The following ALDOA variants were observed in gnomAD, a reference collection of about 807,000 sequenced individuals.
ALDOA encodes the protein fructose-bisphosphate aldolase A.
Under a neutral mutation model 43.9 loss-of-function variants are expected in ALDOA, and 26 were observed. The observed-to-expected ratio is 0.59, with a 90% CI of 0.43 to 0.82. The LOEUF (loss-of-function observed/expected upper bound fraction) is 0.82. Among genes scored for constraint, ALDOA ranks in the 40% least tolerant of loss-of-function variants. The pLI is 0.00. For missense variants in ALDOA, 498 were observed against 549.5 expected (o/e 0.91, Z 0.94); for synonymous variants, 258 against 222.6 (o/e 1.16, Z -1.42).
Position 30,067,277 on chromosome 16 carries a change from T to C in ALDOA, c.185T>C (p.Leu62Pro). The change falls in exon 3 of 10, where the codon CTG becomes CCG. Residue 62 changes from leucine to proline, a missense_variant. Leu to Pro is a moderately conservative substitution (Grantham distance 98, BLOSUM62 -3). Transcript: ENST00000642816. ...TSTMPYQYPA[L>P]TPEQKKELSD... The stretch of plus-strand genomic sequence containing the variant: ...ACCATGCCCTACCAATATCCAGCAC[T>C]GACCCCGGAGCAGAAGAAGGAGCTG... 1 of 1,612,502 alleles carries C rather than the reference T, an allele frequency of 6.2e-7. No individual in the cohort carries two copies. Among genetic ancestry groups the C allele is most frequent in the Middle Eastern group, 2.1e-4 (1 of 4,702 alleles).
Position 30,070,113 on chromosome 16 carries a change from T to C in ALDOA, c.1162-4T>C, listed in dbSNP as rs2151019768. 1 of 1,614,000 alleles carries C rather than the reference T, an allele frequency of 6.2e-7. No homozygotes were observed. The highest frequency in any genetic ancestry group is 1.1e-5 in the South Asian group (1 of 91,074). On this transcript the variant is annotated splice_polypyrimidine_tract_variant and splice_region_variant and intron_variant, in intron 9 of 9. Transcript: ENST00000642816. ...CTTCTCACTCCACCCCTCTCCCTGC[T>C]TAGGCCAACAGCCTTGCCTGTCAAG...
chr16:30,069,017 A>G (rs2072221299), intron 6 of ALDOA, 39 bp downstream of exon 6: 1 of 1,613,568 alleles, frequency 6.2e-7, no homozygotes. Flanking sequence ...CTCCTACCTC[A>G]TTTGGTTCCA....
At position 30,068,958 on chromosome 16, in the gene ALDOA, T is replaced by C; in HGVS notation, c.682T>C (p.Tyr228His). The change falls in exon 6 of 10, where the codon TAT becomes CAT. Residue 228 changes from tyrosine to histidine, a missense_variant. Tyr to His is a moderately conservative substitution (Grantham distance 83). Coordinates refer to ENST00000642816, the MANE Select transcript of ALDOA (RefSeq NM_001243177.4). Reference sequence around the variant, plus strand: ...GGAAAATGCCAATGTTCTGGCCCGTTATGCCAGTATCTGCCAGCAGGTGGG... The same window carrying C: ...GGAAAATGCCAATGTTCTGGCCCGTCATGCCAGTATCTGCCAGCAGGTGGG... ...IMENANVLAR[Y>H]ASICQQNGIV... 1.2e-6 allele frequency: 2 copies of C among 1,614,260 alleles called. No homozygotes were observed. Among genetic ancestry groups the C allele is most frequent in the East Asian group, 4.5e-5 (2 of 44,894 alleles).
At position 30,069,290 on chromosome 16, in the gene ALDOA, G is replaced by T; in HGVS notation, c.703-16G>T. The T allele has an allele frequency of 6.2e-7, 1 of 1,614,078 alleles. No homozygotes were observed. Among genetic ancestry groups the T allele is most frequent in the Non-Finnish European group, 8.5e-7 (1 of 1,179,950 alleles). ...GGTTAGGAGGCCTCACAGTGACCCT[G>T]TCCCTCGCCCTGCAGAATGGCATTG... On this transcript the variant is annotated splice_polypyrimidine_tract_variant and intron_variant, in intron 6 of 9. Transcript: ENST00000642816.
intron 2 of ALDOA, 94 bp downstream of exon 2, chr16:30,067,132 G>A: frequency 6.3e-7 from 1 of 1,582,188 alleles, no homozygotes; most frequent in Non-Finnish European, 8.6e-7. Flanking sequence ...GGCAGGGGAG[G>A]TAGGGAACAT....
Position 30,067,304 on chromosome 16 carries a change from C to T in ALDOA, c.212C>T (p.Ser71Phe). 1 of 1,613,078 alleles carries T rather than the reference C, an allele frequency of 6.2e-7. No individual in the cohort carries two copies. The highest frequency in any genetic ancestry group is 1.1e-5 in the South Asian group (1 of 91,036). Residue 71 changes from serine to phenylalanine, a missense_variant, in exon 3 of 10, where the codon TCT (serine) becomes TTT (phenylalanine). Physicochemically the swap from Ser to Phe is radical, Grantham distance 155. Transcript: ENST00000642816. ...ALTPEQKKELSDIAHRIVAPG... is the reference protein window; with the variant it reads ...ALTPEQKKELFDIAHRIVAPG... ...ACCCCGGAGCAGAAGAAGGAGCTGT[C>T]TGACATCGCTCACCGCATCGTGGCA...
At chr16:30,069,258 G>A in intron 6 of ALDOA, 48 bp from the exon 7 acceptor site, 2 of 1,592,274 alleles carry the variant, frequency 1.3e-6, no homozygotes, top group South Asian at 1.1e-5. Context: ...ATGTAGGTGG[G>A]ACTCTGGGTT....
At chr16:30,069,037 A>G (rs1004354159) in intron 6 of ALDOA, 59 bp downstream of exon 6, 1 of 1,610,172 alleles carries the variant, frequency 6.2e-7, no homozygotes, top group Admixed American at 1.7e-5. Context: ...AGTGTTGTTA[A>G]TTTGCCTATT....
upstream of ALDOA, among the ~76,000 whole-genome samples, chr16:30,065,012 G>T (rs1385576054): frequency 1.3e-5 from 2 of 152,248 alleles, no homozygotes; most frequent in Non-Finnish European, 2.9e-5. Flanking sequence ...GCCGAGCAGC[G>T]GCCGGTGCAT....
rs1184028874 is a variant in ALDOA at position 30,069,296 on chromosome 16, C to T, written c.703-10C>T. On this transcript the variant is annotated splice_polypyrimidine_tract_variant and intron_variant, in intron 6 of 9. Coordinates refer to ENST00000642816, the MANE Select transcript of ALDOA (RefSeq NM_001243177.4). Reference sequence around the variant, plus strand: ...GAGGCCTCACAGTGACCCTGTCCCTCGCCCTGCAGAATGGCATTGTGCCCA... The same window carrying T: ...GAGGCCTCACAGTGACCCTGTCCCTTGCCCTGCAGAATGGCATTGTGCCCA... The T allele has an allele frequency of 2.2e-5, 36 of 1,614,022 alleles. No homozygotes were observed. The highest frequency in any genetic ancestry group is 2.7e-5 in the Non-Finnish European group (32 of 1,180,008).
rs771553440 is a variant in ALDOA, at chr16:30,067,283, C to G, written c.191C>G (p.Pro64Arg). 1.3e-5 allele frequency: 21 copies of G among 1,612,490 alleles called. No homozygotes were observed. Among genetic ancestry groups the G allele is most frequent in the Non-Finnish European group, 1.6e-5 (19 of 1,180,028 alleles). The change falls in exon 3 of 10, where the codon CCG (proline) becomes CGG (arginine). Residue 64 changes from proline (P) to arginine (R), a missense_variant. Pro to Arg is a moderately radical substitution (Grantham distance 103). Coordinates refer to ENST00000642816, the MANE Select transcript of ALDOA (RefSeq NM_001243177.4). ...TMPYQYPALTPEQKKELSDIA... is the reference protein window; with the variant it reads ...TMPYQYPALTREQKKELSDIA... Reference sequence around the variant, plus strand: ...CCCTACCAATATCCAGCACTGACCCCGGAGCAGAAGAAGGAGCTGTCTGAC... The same window carrying G: ...CCCTACCAATATCCAGCACTGACCCGGGAGCAGAAGAAGGAGCTGTCTGAC...
upstream of ALDOA, chr16:30,064,868 G>A (rs1390095906): frequency 5.2e-6 from 1 of 192,492 alleles, no homozygotes; most frequent in African/African-American, 2.3e-5. Context: ...AGGTGAGGAG[G>A]GGAGATTTGG....
Position 30,070,013 on chromosome 16 carries a change from A to G in ALDOA, c.1145A>G (p.Tyr382Cys). 1.2e-6 allele frequency: 2 copies of G among 1,613,802 alleles called. No individual in the cohort carries two copies. Among genetic ancestry groups the G allele is most frequent in the Non-Finnish European group, 1.7e-6 (2 of 1,180,010 alleles). Residue 382 changes from tyrosine (Y) to cysteine (C), a missense_variant, in exon 9 of 10, where the codon TAT becomes TGT. Tyr to Cys is a radical substitution (Grantham distance 194, BLOSUM62 -2). Transcript: ENST00000642816. ...AACCTGAAGGCTGCGCAGGAGGAGTATGTCAAGCGAGCCCTGGTAAGGATA... is the reference window on the plus strand; with the variant it reads ...AACCTGAAGGCTGCGCAGGAGGAGTGTGTCAAGCGAGCCCTGGTAAGGATA... ...KENLKAAQEE[Y>C]VKRALANSLA...
In ALDOA at chr16:30,069,686, C is replaced by T. The variant is rs770613633; in HGVS notation, c.961+13C>T. ...CCCGCTGTCACTGGTGAGGCCCACA[C>T]TCATCTTGATCTCTATGCAGTAGAT... On this transcript the variant is annotated intron_variant, in intron 8 of 9. Transcript: ENST00000642816. The T allele has an allele frequency of 3.7e-6, 6 of 1,613,122 alleles. No individual in the cohort carries two copies. Among genetic ancestry groups the T allele is most frequent in the Admixed American group, 1.7e-5 (1 of 59,956 alleles).
In ALDOA at chr16:30,067,165, G is replaced by A. The variant is rs933445777; in HGVS notation, c.142-69G>A. The A allele has an allele frequency of 2.5e-6, 4 of 1,604,724 alleles. No individual in the cohort carries two copies. The Admixed American group carries it at 6.8e-5, about 27-fold the overall frequency. On this transcript the variant is annotated intron_variant, in intron 2 of 9. Transcript: ENST00000642816. ...CATTTCCCTGACCTCCAGGAGAGGGGCCCTGGTCATCGGGAGATGATGGGA... is the reference window on the plus strand; with the variant it reads ...CATTTCCCTGACCTCCAGGAGAGGGACCCTGGTCATCGGGAGATGATGGGA...
chr16:30,067,441 C>G lies in ALDOA; in HGVS notation c.275-9C>G, dbSNP rs1182078816. On this transcript the variant is annotated splice_polypyrimidine_tract_variant and intron_variant, in intron 3 of 9. Coordinates refer to ENST00000642816, the MANE Select transcript of ALDOA (RefSeq NM_001243177.4). The stretch of plus-strand genomic sequence containing the variant: ...GGCTGATCCCCTAATTCCCATGTGA[C>G]ACTCCCAGGGAGCATTGCCAAGCGG... 4 of 1,613,372 alleles carry G rather than the reference C, an allele frequency of 2.5e-6. No individual in the cohort carries two copies. Among genetic ancestry groups the G allele is most frequent in the Admixed American group, 1.7e-5 (1 of 59,970 alleles).
chr16:30,069,244 A>G (rs1596814188), intron 6 of ALDOA, 62 bp from the exon 7 acceptor site: 1 of 1,555,190 alleles, frequency 6.4e-7, no homozygotes, highest in Non-Finnish European at 8.9e-7. Flanking sequence ...GTGGCTGTGG[A>G]GAGATGTAGG....
chr16:30,068,526 C>A, intron 4 of ALDOA, 120 bp from the exon 5 acceptor site: 1 of 1,157,952 alleles, frequency 8.6e-7, no homozygotes, highest in Non-Finnish European at 1.3e-6. Flanking sequence ...TCACTTGAGT[C>A]CAGGAAGTGG....
chr16:30,068,292 C>T, intron 4 of ALDOA: 1 of 356,396 alleles, frequency 2.8e-6, no homozygotes, highest in South Asian at 2.2e-5. Flanking sequence ...TCTCGATCTC[C>T]TGATCTCGTG....
Sources: gnomAD v4.1 joint callset for allele counts (sites outside exome capture counted in the v4.1 genomes callset) on GRCh38, gnomAD v4.1.1 for gene constraint, MANE v1.5 for transcripts, NCBI Gene and HGNC (gene_info 2026-07-23, HGNC 2026-07-21) for gene names.